Variants in PLET1 observed in about 807,000 individuals in gnomAD.
The protein encoded by PLET1 is placenta expressed transcript 1, also known as placenta-expressed transcript 1 protein.
A neutral mutation model predicts 18.5 loss-of-function variants in PLET1; 20 were observed. The ratio of observed to expected loss-of-function variants is 1.08; its 90% CI spans 0.76 to 1.57. The LOEUF (loss-of-function observed/expected upper bound fraction) is 1.57, where lower values mean the gene tolerates loss of function less well. PLET1 is among the 40% of genes most tolerant of loss of function. The pLI is 0.00. For synonymous variants in PLET1, 93 were observed against 93.8 expected, an observed-to-expected ratio of 0.99 and a Z score of 0.05; for missense variants, 256 against 246.4, an observed-to-expected ratio of 1.04 and a Z score of -0.26.
chr11:112,249,532 C>G (rs1304464359), intron 3 of PLET1, among the ~76,000 whole-genome samples: 6 of 152,154 alleles, frequency 3.9e-5, no homozygotes, highest in African/African-American at 1.4e-4. Flanking sequence ...GGGACCTGAT[C>G]ACACATTGGT....
chr11:112,248,662 C>T lies in PLET1; in HGVS notation c.*137G>A. The T allele has an allele frequency of 2.0e-6, 2 of 1,011,506 alleles. No individual in the cohort carries two copies. The highest frequency in any genetic ancestry group is 2.9e-6 in the Non-Finnish European group (2 of 700,474). The allele number at this position is 1,011,506 out of a possible 1,614,324, so 62.7% of individuals were successfully genotyped here. On this transcript the variant is annotated 3_prime_UTR_variant, in exon 4 of 4. Coordinates refer to ENST00000338832, the MANE Select transcript of PLET1 (RefSeq NM_001145024.1). Reference sequence around the variant, plus strand: ...AGTGCCTCCAGATCTTTGTTTTGGTCTGAAGCCGTGGCAGCAAAGTTGCAC... The same window carrying T: ...AGTGCCTCCAGATCTTTGTTTTGGTTTGAAGCCGTGGCAGCAAAGTTGCAC...
chr11:112,257,664 A>G (rs892359921), intron 1 of PLET1, among the ~76,000 whole-genome samples: 3 of 151,946 alleles, frequency 2.0e-5, no homozygotes, highest in African/African-American at 7.3e-5. Context: ...TGTAAATGTC[A>G]CTGTATTAAG....
At chr11:112,255,046 TGC>T (rs1860208871) in intron 2 of PLET1, among the ~76,000 whole-genome samples, 1 of 122,628 alleles carries the variant, frequency 8.2e-6, no homozygotes, top group Admixed American at 8.7e-5. Context: ...GTGTGTGGGG[TGC>T]GTGTGGTATG....
At chr11:112,255,702 A>ATACTCGATG in intron 1 of PLET1, 113 bp from the exon 2 acceptor site, 1 of 877,932 alleles carries the variant, frequency 1.1e-6, no homozygotes, top group Non-Finnish European at 1.8e-6. Flanking sequence ...TACAAAGAAT[A>ATACTCGATG]TGCACATCGA....
In PLET1 at chr11:112,260,440, A is replaced by T. The variant is rs1260684147; in HGVS notation, c.150T>A (p.Ser50Arg). Residue 50 changes from serine to arginine, a missense_variant, in exon 1 of 4, where the codon AGT becomes AGA. Physicochemically the swap from Ser to Arg is moderately radical, Grantham distance 110. Coordinates refer to ENST00000338832, the MANE Select transcript of PLET1 (RefSeq NM_001145024.1). ...CTGCATTGCTTTCGTAGATATGTGA[A>T]CTGGCCTTGATGTCTAGGGTTATGG... ...YYTITLDIKA[S>R]SHIYESNAVY... 1 of 1,551,718 alleles carries T rather than the reference A, an allele frequency of 6.4e-7. No individual in the cohort carries two copies. Among genetic ancestry groups the T allele is most frequent in the African/African-American group, 1.4e-5 (1 of 73,056 alleles).
At chr11:112,254,692 G>GTA (rs1860197093) in intron 2 of PLET1, among the ~76,000 whole-genome samples, 1 of 138,390 alleles carries the variant, frequency 7.2e-6, no homozygotes, top group Non-Finnish European at 1.6e-5. Flanking sequence ...TGTGTGTGTG[G>GTA]TGTGTGTGGT....
rs1860281152 is a variant in PLET1 at position 112,260,778 on chromosome 11, C to T, written c.-189G>A. 1.3e-5 allele frequency: 7 copies of T among 554,508 alleles called. No homozygotes were observed. Among genetic ancestry groups the T allele is most frequent in the Non-Finnish European group, 2.2e-5 (7 of 318,254 alleles). The allele number at this position is 554,508 out of a possible 1,614,324, so 34.3% of individuals were successfully genotyped here. A position where few individuals can be genotyped will look rare whatever the true frequency, so the allele number is the denominator to read the frequency against. ...AGGAATGAATCACCAGTCACCATTACCTGTCACCGATGATTTTGCAAATTG... is the reference window on the plus strand; with the variant it reads ...AGGAATGAATCACCAGTCACCATTATCTGTCACCGATGATTTTGCAAATTG... On this transcript the variant is annotated 5_prime_UTR_variant, in exon 1 of 4. Transcript: ENST00000338832.
At chr11:112,256,315 G>A (rs1860223895) in intron 1 of PLET1, among the ~76,000 whole-genome samples, 1 of 152,136 alleles carries the variant, frequency 6.6e-6, no homozygotes, top group African/African-American at 2.4e-5. Flanking sequence ...CTAGAGTATT[G>A]TTCTTTCCTG....
intron 3 of PLET1, among the ~76,000 whole-genome samples, chr11:112,249,475 C>T (rs1008474569): frequency 3.3e-5 from 5 of 152,140 alleles, no homozygotes; most frequent in South Asian, 2.1e-4. Context: ...TCCAAAGCCC[C>T]GACTCTGTTT....
intron 3 of PLET1, among the ~76,000 whole-genome samples, chr11:112,249,417 A>T (rs2135415572): frequency 6.6e-6 from 1 of 152,258 alleles, no homozygotes; most frequent in East Asian, 1.9e-4. Flanking sequence ...TCCAATCCAG[A>T]CCTGAGGACG....
intron 3 of PLET1, 25 bp from the exon 4 acceptor site, chr11:112,248,999 T>G: frequency 6.5e-7 from 1 of 1,546,264 alleles, no homozygotes; most frequent in Non-Finnish European, 8.7e-7. Flanking sequence ...GAGGGTGCGG[T>G]TGGCACTGGA....
chr11:112,252,767 C>G (rs1860168876), intron 2 of PLET1, among the ~76,000 whole-genome samples: 1 of 152,162 alleles, frequency 6.6e-6, no homozygotes, highest in East Asian at 1.9e-4. Flanking sequence ...AGTTGTTTCT[C>G]CCTATTGTCA....
chr11:112,250,673 C>T (rs1271984148), intron 3 of PLET1, among the ~76,000 whole-genome samples: 1 of 152,140 alleles, frequency 6.6e-6, no homozygotes, highest in Non-Finnish European at 1.5e-5. Context: ...TTTCTGAGGA[C>T]ACCCTACTCT....
At position 112,260,830 on chromosome 11, in the gene PLET1, C is replaced by A; in HGVS notation, c.-241G>T. On this transcript the variant is annotated 5_prime_UTR_variant, in exon 1 of 4. The change creates a new upstream start codon in the 5' untranslated region. Transcript: ENST00000338832. ...AGTTTTGCTCAAGAAAGGGAATGTC[C>A]TGAATATGGTTTTCTTTTACGCCTG... The A allele has an allele frequency of 2.0e-6, 1 of 506,652 alleles. No individual in the cohort carries two copies. The highest frequency in any genetic ancestry group is 3.5e-6 in the Non-Finnish European group (1 of 286,160). 31.4% of individuals were successfully genotyped at this position (506,652 alleles called of 1,614,324 possible). A position where few individuals can be genotyped will look rare whatever the true frequency, so the allele number is the denominator to read the frequency against.
intron 3 of PLET1, among the ~76,000 whole-genome samples, chr11:112,251,260 C>CT (rs2135416297): frequency 6.8e-6 from 1 of 147,362 alleles, no homozygotes; most frequent in South Asian, 2.2e-4. Context: ...TCTGAATCTC[C>CT]TTTCTTGAAC....
chr11:112,256,705 G>A (rs748288332), intron 1 of PLET1, among the ~76,000 whole-genome samples: 1 of 152,228 alleles, frequency 6.6e-6, no homozygotes, highest in Non-Finnish European at 1.5e-5. Context: ...ACAGTTCTGT[G>A]TTCTGGTTGT....
intron 3 of PLET1, among the ~76,000 whole-genome samples, chr11:112,249,963 T>TAA (rs61227342): frequency 0.029 from 3,058 of 105,434 alleles, 137 homozygotes; most frequent in African/African-American, 0.099. Flanking sequence ...TCTCAAAAAT[T>TAA]AAAAAAAAAA....
chr11:112,253,145 C>A (rs778562813), intron 2 of PLET1, among the ~76,000 whole-genome samples: 1 of 152,064 alleles, frequency 6.6e-6, no homozygotes, highest in African/African-American at 2.4e-5. Context: ...CTGTGATGTA[C>A]GCTGTGATGA....
At position 112,248,575 on chromosome 11, in the gene PLET1, A is replaced by C. The variant is rs1592887856; in HGVS notation, c.*224T>G. 2 of 514,018 alleles carry C rather than the reference A, an allele frequency of 3.9e-6. No individual in the cohort carries two copies. Among genetic ancestry groups the C allele is most frequent in the Non-Finnish European group, 6.8e-6 (2 of 295,390 alleles). 31.8% of individuals were successfully genotyped at this position (514,018 alleles called of 1,614,324 possible). ...TCCGGCCAGTTCTAAATATTTTCAA[A>C]AAGTGTAATATGTGTCCTGAAAGAT... On this transcript the variant is annotated 3_prime_UTR_variant, in exon 4 of 4. Coordinates refer to ENST00000338832, the MANE Select transcript of PLET1 (RefSeq NM_001145024.1).
Sources: gnomAD v4.1 joint callset for allele counts (sites outside exome capture counted in the v4.1 genomes callset) on GRCh38, gnomAD v4.1.1 for gene constraint, MANE v1.5 for transcripts, NCBI Gene and HGNC (gene_info 2026-07-23, HGNC 2026-07-21) for gene names.